GET1: variants seen among roughly 807,000 people sequenced by gnomAD.
The protein encoded by GET1 is congenital heart disease 5 protein.
GET1 carries 20 observed loss-of-function variants against 22.6 expected under a neutral mutation model. That is an observed-to-expected ratio of 0.89 (90% CI 0.62 to 1.29). The LOEUF is 1.29. Among genes scored for constraint, GET1 ranks in the 50% most tolerant of loss-of-function variants. The pLI is 0.00. For missense variants in GET1, 209 were observed against 219.9 expected (o/e 0.95, Z 0.31); for synonymous variants, 92 against 83.8 (o/e 1.10, Z -0.53).
downstream of GET1, chr21:39,410,471 CTAAG>C: frequency 1.6e-6 from 1 of 607,474 alleles, no homozygotes; most frequent in East Asian, 2.9e-5. Context: ...ATAAAGTATA[CTAAG>C]TATTTTCTAA....
intron 4 of GET1, among the ~76,000 whole-genome samples, chr21:39,396,345 G>A (rs148787034): frequency 3.0e-3 from 458 of 152,184 alleles, no homozygotes; most frequent in African/African-American, 0.011. Flanking sequence ...TCGAGACCAC[G>A]GTGAAACCCC....
Position 39,413,250 on chromosome 21 carries a change from C to T in GET1, c.*23+2313C>T, listed in dbSNP as rs542040710. ...TCTTTTTCACTCCACCAAGAGTACA[C>T]ATATGTTTTCTCTCATGCCCAGGAT... On this transcript the variant is annotated intron_variant, in intron 1 of 1. Transcript: ENST00000478273. 1.2e-4 allele frequency among the ~76,000 whole-genome samples: 19 copies of T among 152,308 alleles called. No homozygotes were observed. In the South Asian group the frequency reaches 1.9e-3, roughly 15 times the overall value.
At chr21:39,392,986 C>T (rs1344707565) in intron 3 of GET1, 180 bp from the exon 4 acceptor site, 11 of 556,140 alleles carry the variant, frequency 2.0e-5, no homozygotes, top group Non-Finnish European at 2.9e-5. Context: ...CAAGGTTTCA[C>T]CAAGGGACAT....
downstream of GET1, among the ~76,000 whole-genome samples, chr21:39,407,063 C>T (rs1425442485): frequency 6.6e-6 from 1 of 152,024 alleles, no homozygotes; most frequent in Admixed American, 6.6e-5. Flanking sequence ...CCTGTCTCTA[C>T]AAAAAATACA....
rs200754742 is a variant in GET1 at position 39,423,039 on chromosome 21, T to G, written c.*24-5193T>G. ...TAATAGATAATTTATGAGTGAGTTC[T>G]TCCCTTTCTGCAAGGTTTTTGTCTT... On this transcript the variant is annotated intron_variant, in intron 1 of 1. Transcript: ENST00000478273. 3.1e-6 allele frequency: 5 copies of G among 1,614,144 alleles called. No individual in the cohort carries two copies. The Admixed American group carries it at 8.3e-5, about 27-fold the overall frequency.
chr21:39,414,032 G>C (rs1287789513), intron 1 of GET1: 1 of 152,264 alleles, frequency 6.6e-6, no homozygotes, highest in Non-Finnish European at 1.5e-5. Context: ...AGCTGGGCCA[G>C]AAGTCTAACA....
chr21:39,395,064 G>T (rs2038549462), intron 4 of GET1, among the ~76,000 whole-genome samples: 1 of 151,844 alleles, frequency 6.6e-6, no homozygotes, highest in Non-Finnish European at 1.5e-5. Flanking sequence ...TTATAGAGAT[G>T]GGGTCTTGCT....
chr21:39,396,262 C>T (rs748724321), intron 4 of GET1, among the ~76,000 whole-genome samples: 3 of 151,878 alleles, frequency 2.0e-5, no homozygotes, highest in South Asian at 2.1e-4. Context: ...GGGTGTCGGC[C>T]GGGTGCGGTG....
chr21:39,412,829 G>T (rs954898859), intron 1 of GET1, among the ~76,000 whole-genome samples: 3 of 152,206 alleles, frequency 2.0e-5, no homozygotes, highest in African/African-American at 7.2e-5. Context: ...AAGTAACATG[G>T]TATTGCCCAA....
At chr21:39,417,760 TTTTTTAA>T (rs1286780003) in intron 1 of GET1, among the ~76,000 whole-genome samples, 1 of 151,972 alleles carries the variant, frequency 6.6e-6, no homozygotes, top group Admixed American at 6.5e-5. Context: ...ATTTATTTAA[TTTTTTAA>T]TTTTTAATTT....
chr21:39,405,854 C>G (rs1172390808), intron 4 of GET1: 6 of 1,475,738 alleles, frequency 4.1e-6, no homozygotes, highest in African/African-American at 2.8e-5. Context: ...TTATATCAAA[C>G]CAGAATGCAT....
intron 1 of GET1, among the ~76,000 whole-genome samples, chr21:39,413,085 A>T (rs890595535): frequency 1.2e-4 from 18 of 152,202 alleles, no homozygotes; most frequent in Non-Finnish European, 1.5e-5. Flanking sequence ...ATTTGACCAG[A>T]CTGAGAAGAG....
intron 3 of GET1, chr21:39,392,179 C>T (rs988539104): frequency 4.3e-6 from 1 of 233,700 alleles, no homozygotes; most frequent in East Asian, 1.3e-4. Flanking sequence ...CTGAGATCTT[C>T]AATACTTTTG....
downstream of GET1, among the ~76,000 whole-genome samples, chr21:39,399,728 C>G (rs892697472): frequency 3.9e-5 from 6 of 152,078 alleles, no homozygotes; most frequent in Admixed American, 2.0e-4. Flanking sequence ...CCTGAGCCAC[C>G]ACGCCCAGTG....
chr21:39,380,465 C>G lies in GET1; in HGVS notation c.81C>G (p.Leu27=), dbSNP rs776703428. Residue 27 remains leucine (L), a synonymous_variant, in exon 1 of 5, where the codon CTC becomes CTG. Coordinates refer to ENST00000649170, the MANE Select transcript of GET1 (RefSeq NM_004627.6). ...FVFGCNVLRI[L]LPSFSSFMSR... is the part of the protein sequence containing the mutation. ...TTGGATGCAATGTTCTTAGGATCCTCCTCCCGTCCTTCTCATCCTTCGTAA... is the reference window on the plus strand; with the variant it reads ...TTGGATGCAATGTTCTTAGGATCCTGCTCCCGTCCTTCTCATCCTTCGTAA... 6.2e-7 allele frequency: 1 copy of G among 1,612,890 alleles called. No homozygotes were observed.
At chr21:39,410,007 C>T (rs763735194), downstream of GET1, 33 of 1,581,550 alleles carry the variant, frequency 2.1e-5, no homozygotes, top group Admixed American at 5.0e-5. Flanking sequence ...AATCCTCTTG[C>T]TTTGGTAGTT....
rs569228096 is a variant in GET1, at chr21:39,390,341, G to A, written c.103-357G>A. Among the ~76,000 whole-genome samples the A allele has an allele frequency of 3.0e-3, 460 of 152,292 alleles. 2 individuals carry two copies. The highest frequency in any genetic ancestry group is 5.3e-3 in the Non-Finnish European group (363 of 68,026). On this transcript the variant is annotated intron_variant, in intron 1 of 4. Coordinates refer to ENST00000649170, the MANE Select transcript of GET1 (RefSeq NM_004627.6). ...CAGCATTCATGACGGGAACTTACAA[G>A]AGCTGCGGCAGTCCCGGGACAGCCA...
chr21:39,380,709 C>T (rs900519968), intron 1 of GET1: 3 of 1,307,084 alleles, frequency 2.3e-6, no homozygotes, highest in Non-Finnish European at 2.0e-6. Flanking sequence ...AAACACCGGG[C>T]AACCCTGGAC....
downstream of GET1, among the ~76,000 whole-genome samples, chr21:39,398,682 CG>C: frequency 6.9e-6 from 1 of 144,782 alleles, no homozygotes; most frequent in East Asian, 2.1e-4. Flanking sequence ...GGTGTGATCT[CG>C]GCTCACTGCA....
Sources: gnomAD v4.1 joint callset for allele counts (sites outside exome capture counted in the v4.1 genomes callset) on GRCh38, gnomAD v4.1.1 for gene constraint, MANE v1.5 for transcripts, NCBI Gene and HGNC (gene_info 2026-07-23, HGNC 2026-07-21) for gene names.